The following RASEF variants were observed in gnomAD, a reference collection of about 807,000 sequenced individuals.
RASEF encodes ras and EF-hand domain-containing protein.
RASEF carries 68 observed loss-of-function variants against 90.1 expected under a neutral mutation model. The observed-to-expected ratio is 0.75, with a 90% confidence interval of 0.62 to 0.92. The LOEUF is 0.92. RASEF is among the 40% of genes least tolerant of loss of function. The pLI is 0.00. For missense variants in RASEF, 949 were observed against 937.2 expected (o/e 1.01, Z -0.16); for synonymous variants, 331 against 345.2 (o/e 0.96, Z 0.46).
chr9:83,158,012 C>T, the RASEF span, among the ~76,000 whole-genome samples: 1 of 152,134 alleles, frequency 6.6e-6, no homozygotes, highest in Non-Finnish European at 1.5e-5. Context: ...ATTTAAATAT[C>T]ATCTGGAAAG....
chr9:83,170,525 A>C, the RASEF span, among the ~76,000 whole-genome samples: 4 of 151,886 alleles, frequency 2.6e-5, no homozygotes, highest in Non-Finnish European at 5.9e-5. Flanking sequence ...TATGGATGCT[A>C]AAAATATTAA....
chr9:82,994,059 C>CATTGGGTTTGGGGCT (rs1475182394), intron 14 of RASEF, among the ~76,000 whole-genome samples: 3 of 152,162 alleles, frequency 2.0e-5, no homozygotes, highest in African/African-American at 7.2e-5. Flanking sequence ...CCTGCGTACT[C>CATTGGGTTTGGGGCT]ATTGGGTTTG....
At chr9:83,010,247 T>C (rs1489570027) in intron 5 of RASEF, among the ~76,000 whole-genome samples, 2 of 152,372 alleles carry the variant, frequency 1.3e-5, no homozygotes, top group Non-Finnish European at 2.9e-5. Flanking sequence ...CTGTATTTTC[T>C]TAAAATAATA....
intron 1 of RASEF, among the ~76,000 whole-genome samples, chr9:83,040,054 A>T (rs1313973452): frequency 2.6e-5 from 4 of 152,044 alleles, no homozygotes; most frequent in Admixed American, 1.3e-4. Context: ...TGGTTTTATA[A>T]AGGGCCGTTC....
intron 1 of RASEF, among the ~76,000 whole-genome samples, chr9:83,046,658 G>A (rs1391186862): frequency 6.6e-6 from 1 of 152,178 alleles, no homozygotes; most frequent in Non-Finnish European, 1.5e-5. Context: ...AAACAAATGT[G>A]GGTTGGCTCT....
chr9:83,018,542 T>A (rs887684256), intron 3 of RASEF, among the ~76,000 whole-genome samples: 1 of 152,054 alleles, frequency 6.6e-6, no homozygotes, highest in Non-Finnish European at 1.5e-5. Context: ...TCAAACTCCC[T>A]GCAGACTTTT....
the RASEF span, among the ~76,000 whole-genome samples, chr9:83,145,250 C>T: frequency 6.6e-6 from 1 of 152,094 alleles, no homozygotes; most frequent in African/African-American, 2.4e-5. Flanking sequence ...AGAAGATAAT[C>T]AAACGTCCAT....
the RASEF span, among the ~76,000 whole-genome samples, chr9:83,200,003 A>G: frequency 9.8e-5 from 15 of 152,344 alleles, no homozygotes; most frequent in African/African-American, 3.6e-4. Context: ...GACATGCTTA[A>G]GTAAGAAAGT....
chr9:83,043,761 C>T (rs1317856806), intron 1 of RASEF, among the ~76,000 whole-genome samples: 2 of 152,258 alleles, frequency 1.3e-5, no homozygotes, highest in Admixed American at 6.5e-5. Flanking sequence ...ATCTGCCCAG[C>T]AGATGTGGCC....
the RASEF span, among the ~76,000 whole-genome samples, chr9:83,204,669 A>G: frequency 3.3e-5 from 5 of 152,248 alleles, no homozygotes; most frequent in Non-Finnish European, 7.3e-5. Context: ...CATGATGACT[A>G]TAATTTAATA....
chr9:83,148,517 A>G, the RASEF span, among the ~76,000 whole-genome samples: 1 of 152,156 alleles, frequency 6.6e-6, no homozygotes, highest in Non-Finnish European at 1.5e-5. Flanking sequence ...ACAGGATGGG[A>G]GAGAGGCATG....
chr9:83,042,572 A>G (rs1238302299), intron 1 of RASEF, among the ~76,000 whole-genome samples: 1 of 152,208 alleles, frequency 6.6e-6, no homozygotes, highest in Non-Finnish European at 1.5e-5. Context: ...CTACTTGAGG[A>G]ATCTCCAAAA....
At chr9:83,143,783 C>T in the RASEF span, among the ~76,000 whole-genome samples, 8 of 152,144 alleles carry the variant, frequency 5.3e-5, no homozygotes, top group East Asian at 5.8e-4. Flanking sequence ...AGCTACCATT[C>T]GGCCTAGCAA....
At chr9:83,205,726 A>G in the RASEF span, among the ~76,000 whole-genome samples, 1 of 152,230 alleles carries the variant, frequency 6.6e-6, no homozygotes, top group South Asian at 2.1e-4. Context: ...CAATTTTACC[A>G]CACTGTATAC....
At chr9:83,093,841 T>C in the RASEF span, among the ~76,000 whole-genome samples, 1 of 152,218 alleles carries the variant, frequency 6.6e-6, no homozygotes, top group Non-Finnish European at 1.5e-5. Flanking sequence ...GCGAGGGGTG[T>C]GAGGACTGCC....
At chr9:83,116,768 C>T in the RASEF span, among the ~76,000 whole-genome samples, 1 of 152,112 alleles carries the variant, frequency 6.6e-6, no homozygotes, top group East Asian at 1.9e-4. Flanking sequence ...TTCTGTAACT[C>T]AAACATGGCT....
the RASEF span, among the ~76,000 whole-genome samples, chr9:83,133,269 A>T: frequency 6.6e-6 from 1 of 152,322 alleles, no homozygotes; most frequent in East Asian, 1.9e-4. Flanking sequence ...TGGAAGACCA[A>T]GGAAAAGGAC....
intron 5 of RASEF, among the ~76,000 whole-genome samples, chr9:83,011,571 A>AAG (rs1829246372): frequency 6.6e-6 from 1 of 150,764 alleles, no homozygotes; most frequent in Admixed American, 6.6e-5. Context: ...AAAAAAAAAA[A>AAG]AAAAACTGAA....
intron 1 of RASEF, among the ~76,000 whole-genome samples, chr9:83,048,991 G>A (rs941254735): frequency 2.6e-5 from 4 of 152,076 alleles, no homozygotes; most frequent in African/African-American, 7.2e-5. Flanking sequence ...GGGTGTGGTA[G>A]TGCATGTCTG....
Sources: gnomAD v4.1 joint callset for allele counts (sites outside exome capture counted in the v4.1 genomes callset) on GRCh38, gnomAD v4.1.1 for gene constraint, MANE v1.5 for transcripts, NCBI Gene and HGNC (gene_info 2026-07-23, HGNC 2026-07-21) for gene names.